ASB2: variants seen among roughly 807,000 people sequenced by gnomAD.
ASB2 encodes the protein ankyrin repeat and SOCS box protein 2.
Under a neutral mutation model 62.4 loss-of-function variants are expected in ASB2, and 58 were observed. That is an observed-to-expected ratio of 0.93 (90% CI 0.75 to 1.16). The LOEUF is 1.16. Among genes scored for constraint, ASB2 ranks in the 50% most tolerant of loss-of-function variants. ASB2 has a pLI of 0.00. For synonymous variants in ASB2, 386 were observed against 385.3 expected, an observed-to-expected ratio of 1.00 and a Z score of -0.02; for missense variants, 928 against 887.9, an observed-to-expected ratio of 1.05 and a Z score of -0.57.
chr14:93,950,994 C>T lies in ASB2; in HGVS notation c.880+5G>A. The T allele has an allele frequency of 6.2e-7, 1 of 1,611,500 alleles. No individual in the cohort carries two copies. On this transcript the variant is annotated splice_donor_5th_base_variant and intron_variant, in intron 6 of 9. Transcript: ENST00000555019. ...TCCATGACCTAGGGACCCTTAGCCACTCACCGTACTTGGCTAAGAACCTCA... is the reference window on the plus strand; with the variant it reads ...TCCATGACCTAGGGACCCTTAGCCATTCACCGTACTTGGCTAAGAACCTCA...
chr14:93,934,641 TC>T lies in ASB2; in HGVS notation c.*14del, dbSNP rs761181961. The T allele has an allele frequency of 1.2e-6, 2 of 1,613,686 alleles. No homozygotes were observed. The highest frequency in any genetic ancestry group is 4.5e-5 in the East Asian group (2 of 44,878). ...AAGAGTCTGAGGGGCTACTCCTCTC[TC>T]CCCGTGGCCCCAGTTACTGGGTGTT... On this transcript the variant is annotated 3_prime_UTR_variant, in exon 10 of 10. Coordinates refer to ENST00000555019, the MANE Select transcript of ASB2 (RefSeq NM_001202429.2).
At chr14:93,972,547 G>A (rs989870698) in intron 1 of ASB2, among the ~76,000 whole-genome samples, 2 of 152,202 alleles carry the variant, frequency 1.3e-5, no homozygotes, top group Admixed American at 6.5e-5. Flanking sequence ...CTAAGGCCTG[G>A]AATGTATGTG....
intron 2 of ASB2, chr14:93,957,162 C>T (rs1489499954): frequency 1.9e-5 from 26 of 1,348,738 alleles, no homozygotes; most frequent in South Asian, 7.7e-5. Flanking sequence ...CAGCCAACCA[C>T]GAAAGAGGCA....
chr14:93,954,110 C>A (rs1226197092), intron 4 of ASB2: 6 of 585,890 alleles, frequency 1.0e-5, no homozygotes, highest in Non-Finnish European at 1.5e-5. Flanking sequence ...CTCTCCTGTC[C>A]TTGGAGGCCT....
intron 7 of ASB2, among the ~76,000 whole-genome samples, chr14:93,945,293 C>T (rs71431613): frequency 6.6e-6 from 1 of 152,200 alleles, no homozygotes; most frequent in Non-Finnish European, 1.5e-5. Flanking sequence ...TTGCCCAACT[C>T]TGACTGATGC....
chr14:93,946,275 C>T (rs556535216), intron 7 of ASB2, among the ~76,000 whole-genome samples: 8 of 152,310 alleles, frequency 5.3e-5, no homozygotes, highest in Admixed American at 5.2e-4. Context: ...CCCGCATACC[C>T]GCAGCACAGT....
At chr14:93,962,949 G>T (rs1889460717) in intron 2 of ASB2, among the ~76,000 whole-genome samples, 1 of 152,184 alleles carries the variant, frequency 6.6e-6, no homozygotes, top group Non-Finnish European at 1.5e-5. Context: ...TCTCAGATTG[G>T]GTTTCAGAAT....
chr14:93,967,275 G>T (rs947064671), intron 1 of ASB2, among the ~76,000 whole-genome samples: 4 of 152,248 alleles, frequency 2.6e-5, no homozygotes, highest in Admixed American at 2.6e-4. Context: ...TGCCAGGTCT[G>T]AGTTGGCCCA....
chr14:93,944,719 G>A (rs1384011507), intron 7 of ASB2, among the ~76,000 whole-genome samples: 5 of 152,206 alleles, frequency 3.3e-5, no homozygotes, highest in Admixed American at 3.3e-4. Flanking sequence ...AGAGGGAAAT[G>A]GGGCCCGGGG....
intron 5 of ASB2, among the ~76,000 whole-genome samples, chr14:93,952,761 G>T (rs1292572282): frequency 2.0e-5 from 3 of 152,198 alleles, no homozygotes. Context: ...GTCCATAAGA[G>T]AACGGTGCCT....
intron 5 of ASB2, among the ~76,000 whole-genome samples, chr14:93,951,782 C>T (rs933217745): frequency 9.2e-5 from 14 of 152,222 alleles, no homozygotes; most frequent in Admixed American, 2.6e-4. Context: ...GAGGAGTCAG[C>T]GGTGTCATAA....
intron 6 of ASB2, among the ~76,000 whole-genome samples, chr14:93,949,217 G>A (rs1408284256): frequency 2.0e-5 from 3 of 152,210 alleles, no homozygotes; most frequent in African/African-American, 7.2e-5. Context: ...ATCTCTCTAA[G>A]CATGTTGCTG....
chr14:93,941,875 A>G (rs1381206027), intron 7 of ASB2, among the ~76,000 whole-genome samples: 1 of 152,256 alleles, frequency 6.6e-6, no homozygotes, highest in Non-Finnish European at 1.5e-5. Context: ...CAGAAAGTGA[A>G]TGTGTAACGC....
chr14:93,945,599 A>G (rs554615139), intron 7 of ASB2, among the ~76,000 whole-genome samples: 1 of 152,298 alleles, frequency 6.6e-6, no homozygotes, highest in East Asian at 1.9e-4. Context: ...AACTTTCCCA[A>G]TGGCCTCAGC....
intron 3 of ASB2, 133 bp from the exon 4 acceptor site, chr14:93,954,616 C>T (rs768110374): frequency 7.9e-6 from 6 of 756,956 alleles, no homozygotes; most frequent in Admixed American, 2.7e-5. Flanking sequence ...CACTCAGCCC[C>T]CTGCAGCCCA....
At chr14:93,973,460 G>A (rs752087613) in intron 1 of ASB2, among the ~76,000 whole-genome samples, 1 of 152,216 alleles carries the variant, frequency 6.6e-6, no homozygotes, top group Non-Finnish European at 1.5e-5. Flanking sequence ...CCTGTAGAAG[G>A]TTTTTTGAAT....
intron 4 of ASB2, among the ~76,000 whole-genome samples, chr14:93,953,860 G>A (rs1366755205): frequency 6.6e-6 from 1 of 152,174 alleles, no homozygotes; most frequent in African/African-American, 2.4e-5. Context: ...CTGCTTCAGG[G>A]CAGAGGTGAC....
chr14:93,938,399 T>C (rs1295595138), intron 8 of ASB2, among the ~76,000 whole-genome samples: 2 of 151,960 alleles, frequency 1.3e-5, no homozygotes, highest in Non-Finnish European at 2.9e-5. Context: ...GCCACCACAC[T>C]TGGCTAATTT....
At chr14:93,958,802 GA>G (rs1213410490) in intron 2 of ASB2, among the ~76,000 whole-genome samples, 1 of 152,198 alleles carries the variant, frequency 6.6e-6, no homozygotes, top group Non-Finnish European at 1.5e-5. Flanking sequence ...CACCTCCCAG[GA>G]TCCTTGGGTC....
Sources: allele counts gnomAD v4.1 joint callset (sites outside exome capture counted in the v4.1 genomes callset), GRCh38; gene constraint gnomAD v4.1.1; transcripts MANE v1.5; gene names NCBI Gene and HGNC (gene_info 2026-07-23, HGNC 2026-07-21).